The following LRRC8B variants were observed in gnomAD, a reference collection of about 807,000 sequenced individuals.
LRRC8B encodes volume-regulated anion channel subunit LRRC8B.
LRRC8B carries 23 observed loss-of-function variants against 58.8 expected under a neutral mutation model. The ratio of observed to expected loss-of-function variants is 0.39; its 90% CI spans 0.28 to 0.55. The LOEUF is 0.55. LRRC8B is among the 20% of genes least tolerant of loss of function. LRRC8B has a pLI of 0.62. For missense variants in LRRC8B, 694 were observed against 936.0 expected (o/e 0.74, Z 3.37); for synonymous variants, 359 against 374.1 (o/e 0.96, Z 0.47).
chr1:89,579,536 AGTTT>A (rs1654076854), intron 3 of LRRC8B, 51 bp from the exon 4 acceptor site: 1 of 152,584 alleles, frequency 6.6e-6, no homozygotes, highest in African/African-American at 2.4e-5. Flanking sequence ...CAGTATCTCC[AGTTT>A]GTTTGTTTGA....
intron 5 of LRRC8B, 83 bp from the exon 6 acceptor site, chr1:89,592,688 T>TG (rs1570657624): frequency 2.4e-6 from 3 of 1,230,544 alleles, no homozygotes; most frequent in South Asian, 2.8e-5. Context: ...GTTTTGTTTT[T>TG]TTTTTTTTGG....
rs372995931 is a variant in LRRC8B, at chr1:89,595,828, A to T, written c.*2785A>T. 53 of 152,272 alleles carry T rather than the reference A, an allele frequency of 3.5e-4. No homozygotes were observed. The highest frequency in any genetic ancestry group is 1.2e-3 in the African/African-American group (50 of 41,580). The allele number at this position is 152,272 out of a possible 1,614,324, so 9.4% of individuals were successfully genotyped here. A position where few individuals can be genotyped will look rare whatever the true frequency, so the allele number is the denominator to read the frequency against. On this transcript the variant is annotated 3_prime_UTR_variant, in exon 6 of 6. Transcript: ENST00000330947. ...CAAGTGTTCATATTCACATAAGAGAATTTTAAATGAAGAAAATTAAGTTTG... is the reference window on the plus strand; with the variant it reads ...CAAGTGTTCATATTCACATAAGAGATTTTTAAATGAAGAAAATTAAGTTTG...
chr1:89,565,388 T>C (rs1466355034), intron 1 of LRRC8B, among the ~76,000 whole-genome samples: 1 of 110,198 alleles, frequency 9.1e-6, no homozygotes, highest in East Asian at 2.0e-4. Context: ...TCAGTCATTA[T>C]AATGCACCAG....
chr1:89,559,972 A>T (rs927260177), intron 1 of LRRC8B, among the ~76,000 whole-genome samples: 3 of 152,194 alleles, frequency 2.0e-5, no homozygotes, highest in Non-Finnish European at 2.9e-5. Flanking sequence ...ACTCCAGAGG[A>T]GTCTTTCAGA....
intron 1 of LRRC8B, among the ~76,000 whole-genome samples, chr1:89,541,420 C>T (rs928424027): frequency 6.6e-6 from 1 of 152,022 alleles, no homozygotes; most frequent in Non-Finnish European, 1.5e-5. Flanking sequence ...AATTAAAAAG[C>T]TGGCTTTCTG....
At chr1:89,536,642 A>G (rs1650559036) in intron 1 of LRRC8B, among the ~76,000 whole-genome samples, 1 of 152,214 alleles carries the variant, frequency 6.6e-6, no homozygotes, top group Non-Finnish European at 1.5e-5. Context: ...GTGTAATGTC[A>G]TGCAATAAAG....
In LRRC8B at chr1:89,534,674, T is replaced by G. The variant is rs114551555; in HGVS notation, c.-241+9652T>G. On this transcript the variant is annotated intron_variant, in intron 1 of 5. Transcript: ENST00000330947. ...GAACAACACGTGTAATCAAAGCAAG[T>G]GTTTCTTTTTAAATGGAAGTGCTTA... 1.8e-3 allele frequency among the ~76,000 whole-genome samples: 280 copies of G among 152,362 alleles called. 3 individuals carry two copies. Among genetic ancestry groups the G allele is most frequent in the African/African-American group, 6.3e-3 (261 of 41,592 alleles).
rs150825943 is a variant in LRRC8B at position 89,584,363 on chromosome 1, G to A, written c.1713G>A (p.Glu571=). 6 of 1,614,092 alleles carry A rather than the reference G, an allele frequency of 3.7e-6. No individual in the cohort carries two copies. Among genetic ancestry groups the A allele is most frequent in the Middle Eastern group, 1.6e-4 (1 of 6,062 alleles). Residue 571 remains glutamate, a synonymous_variant, in exon 5 of 6, where the codon GAG becomes GAA. Coordinates refer to ENST00000330947, the MANE Select transcript of LRRC8B (RefSeq NM_001369817.2). ...PSLQKLSLDN[E]GSKLVVLNNL... is the part of the protein sequence containing the mutation. ...TGCAGAAACTGTCCCTTGATAATGA[G>A]GGAAGCAAACTGGTTGTGTTGAACA...
At position 89,584,193 on chromosome 1, in the gene LRRC8B, C is replaced by A. The variant is rs1412043160; in HGVS notation, c.1543C>A (p.Leu515Ile). Residue 515 changes from leucine to isoleucine, a missense_variant, in exon 5 of 6, where the codon CTT becomes ATT. Transcript: ENST00000330947. ...WVFHLKNLKELYLSGCVLPEQ... is the reference protein window; with the variant it reads ...WVFHLKNLKEIYLSGCVLPEQ... ...ATTTCACCTCAAGAATCTCAAGGAA[C>A]TTTATCTTTCGGGCTGTGTTCTCCC... The A allele has an allele frequency of 1.2e-6, 2 of 1,611,368 alleles. No individual in the cohort carries two copies. Among genetic ancestry groups the A allele is most frequent in the African/African-American group, 2.7e-5 (2 of 75,048 alleles).
chr1:89,592,428 T>A (rs1218815005), intron 5 of LRRC8B, among the ~76,000 whole-genome samples: 1 of 152,240 alleles, frequency 6.6e-6, no homozygotes, highest in Non-Finnish European at 1.5e-5. Context: ...AGAGTAATTA[T>A]GATTTTTCTT....
At chr1:89,550,337 T>C (rs1209408632) in intron 1 of LRRC8B, among the ~76,000 whole-genome samples, 3 of 152,306 alleles carry the variant, frequency 2.0e-5, no homozygotes, top group Admixed American at 1.3e-4. Context: ...TTCATGCTGC[T>C]ACCAAAGTGG....
At chr1:89,544,605 A>G (rs1464373509) in intron 1 of LRRC8B, among the ~76,000 whole-genome samples, 1 of 152,228 alleles carries the variant, frequency 6.6e-6, no homozygotes, top group African/African-American at 2.4e-5. Context: ...TATAATAATA[A>G]TAATATCCCA....
Position 89,583,488 on chromosome 1 carries a change from T to G in LRRC8B, c.838T>G (p.Leu280Val). ...VLIITYVPYFLTHITLEIDCS... is the reference protein window; with the variant it reads ...VLIITYVPYFVTHITLEIDCS... ...CATCATAACTTATGTTCCATATTTT[T>G]TAACCCACATCACTCTTGAAATCGA... The change falls in exon 5 of 6, where the codon TTA (leucine) becomes GTA (valine). Residue 280 changes from leucine (L) to valine (V), a missense_variant. Transcript: ENST00000330947. The surrounding 1 kb of genome is among the most constrained non-coding windows in gnomAD (Gnocchi z 5.2). 2 of 1,613,932 alleles carry G rather than the reference T, an allele frequency of 1.2e-6. No homozygotes were observed. The highest frequency in any genetic ancestry group is 1.7e-6 in the Non-Finnish European group (2 of 1,180,026).
intron 5 of LRRC8B, among the ~76,000 whole-genome samples, chr1:89,591,486 A>G (rs1470617768): frequency 1.3e-5 from 2 of 152,142 alleles, no homozygotes; most frequent in Non-Finnish European, 2.9e-5. Context: ...GTTTATATCT[A>G]ATATTTTGGT....
rs761008016 is a variant in LRRC8B at position 89,583,279 on chromosome 1, A to T, written c.629A>T (p.Gln210Leu). The T allele has an allele frequency of 6.2e-7, 1 of 1,614,122 alleles. No individual in the cohort carries two copies. Among genetic ancestry groups the T allele is most frequent in the African/African-American group, 1.3e-5 (1 of 74,938 alleles). ...GGCAAACAGTCATTGCCCTACCCAC[A>T]GCCAGGTTTGGAGTCAGCTGGCATA... ...DSGKQSLPYP[Q>L]PGLESAGIES... Residue 210 changes from glutamine to leucine, a missense_variant, in exon 5 of 6, where the codon CAG (glutamine) becomes CTG (leucine). Physicochemically the swap from Gln to Leu is moderately radical, Grantham distance 113. This residue lies in a region of LRRC8B where 316 missense variants were observed against 403.8 expected (regional missense o/e 0.78). Coordinates refer to ENST00000330947, the MANE Select transcript of LRRC8B (RefSeq NM_001369817.2). This position sits in a 1 kb window ranked among gnomAD's most constrained non-coding sequence, Gnocchi z 5.2.
At chr1:89,571,903 T>C (rs370818150) in intron 3 of LRRC8B, among the ~76,000 whole-genome samples, 5 of 152,322 alleles carry the variant, frequency 3.3e-5, no homozygotes, top group African/African-American at 1.2e-4. Context: ...TGGATAGTTC[T>C]GTAGATATCT....
intron 1 of LRRC8B, among the ~76,000 whole-genome samples, chr1:89,556,271 A>C (rs1241718394): frequency 6.6e-6 from 1 of 152,150 alleles, no homozygotes; most frequent in Non-Finnish European, 1.5e-5. Context: ...AGAGCAGAGA[A>C]GCTCCATCCT....
At chr1:89,571,872 T>G (rs973561002) in intron 3 of LRRC8B, among the ~76,000 whole-genome samples, 2 of 152,106 alleles carry the variant, frequency 1.3e-5, no homozygotes, top group Non-Finnish European at 2.9e-5. Flanking sequence ...TTGAGAAGAA[T>G]GTATATTCTG....
At chr1:89,529,326 G>C (rs947060105) in intron 1 of LRRC8B, among the ~76,000 whole-genome samples, 1 of 152,148 alleles carries the variant, frequency 6.6e-6, no homozygotes, top group Non-Finnish European at 1.5e-5. Flanking sequence ...CGAGACTGCT[G>C]TGTTGTACCT....
Sources: allele counts gnomAD v4.1 joint callset (sites outside exome capture counted in the v4.1 genomes callset), GRCh38; gene constraint gnomAD v4.1.1; regional missense constraint gnomAD v4.1.1; non-coding constraint Gnocchi (gnomAD v3.1); transcripts MANE v1.5; gene names NCBI Gene and HGNC (gene_info 2026-07-23, HGNC 2026-07-21).